The following CCDC92 variants were observed in gnomAD, a reference collection of about 807,000 sequenced individuals.
CCDC92 encodes coiled-coil domain-containing protein 92.
CCDC92 carries 12 observed loss-of-function variants against 24.9 expected under a neutral mutation model. The ratio of observed to expected loss-of-function variants is 0.48; its 90% CI spans 0.31 to 0.78. The LOEUF is 0.78. CCDC92 is among the 30% of genes least tolerant of loss of function. The pLI is 0.05. For synonymous variants in CCDC92, 193 were observed against 196.3 expected (o/e 0.98, Z 0.14); for missense variants, 399 against 439.4 (o/e 0.91, Z 0.82).
Position 123,936,810 on chromosome 12 carries a change from G to A in CCDC92, c.*248C>T, listed in dbSNP as rs1955510121. On this transcript the variant is annotated 3_prime_UTR_variant, in exon 5 of 5. Transcript: ENST00000238156. ...TGCCTGCAGCGCACTTAGGTTACAC[G>A]GAGCGGGATCAGAAGCAAGCGATTC... 4 of 589,356 alleles carry A rather than the reference G, an allele frequency of 6.8e-6. No homozygotes were observed. The highest frequency in any genetic ancestry group is 3.1e-5 in the Admixed American group (1 of 32,020). 36.5% of individuals were successfully genotyped at this position (589,356 alleles called of 1,614,324 possible). A position where few individuals can be genotyped will look rare whatever the true frequency, so the allele number is the denominator to read the frequency against.
chr12:123,972,742 C>T lies in CCDC92; in HGVS notation c.-273G>A, dbSNP rs1956592579. 6.8e-6 allele frequency: 1 copy of T among 147,348 alleles called. No individual in the cohort carries two copies. Among genetic ancestry groups the T allele is most frequent in the South Asian group, 2.1e-4 (1 of 4,818 alleles). The allele number at this position is 147,348 out of a possible 1,614,324, so 9.1% of individuals were successfully genotyped here. Reference sequence around the variant, plus strand: ...CGCCCGCTCCCACCCCAGCGCTAGCCGCGGTGCACCCTGGGAGCGGGGCCG... The same window carrying T: ...CGCCCGCTCCCACCCCAGCGCTAGCTGCGGTGCACCCTGGGAGCGGGGCCG... On this transcript the variant is annotated 5_prime_UTR_variant, in exon 1 of 5. Coordinates refer to ENST00000238156, the MANE Select transcript of CCDC92 (RefSeq NM_025140.3).
rs974008526 is a variant in CCDC92, at chr12:123,966,888, C to G, written c.-60+5641G>C. On this transcript the variant is annotated intron_variant, in intron 1 of 4. Transcript: ENST00000238156. ...CCATCCTGCAAAAAGGGATGAGACA[C>G]AAGAACCTCCAAATAGACAGCTGTC... 6.6e-5 allele frequency among the ~76,000 whole-genome samples: 10 copies of G among 152,166 alleles called. 1 individual carries two copies. The highest frequency in any genetic ancestry group is 2.2e-4 in the African/African-American group (9 of 41,438).
chr12:123,961,206 C>G (rs1956264831), intron 1 of CCDC92: 1 of 152,250 alleles, frequency 6.6e-6, no homozygotes, highest in African/African-American at 2.4e-5. Flanking sequence ...ACCTGTCTCT[C>G]CTGCATCAGG....
chr12:123,947,088 G>T (rs1158497902), intron 1 of CCDC92, among the ~76,000 whole-genome samples: 1 of 152,204 alleles, frequency 6.6e-6, no homozygotes, highest in Non-Finnish European at 1.5e-5. Flanking sequence ...CGGGCAATGA[G>T]GGGCTTAGCA....
At chr12:123,962,700 TG>T (rs747202263) in intron 1 of CCDC92, 3 of 153,118 alleles carry the variant, frequency 2.0e-5, no homozygotes, top group Non-Finnish European at 2.9e-5. Context: ...AATCTGGCAG[TG>T]GCAACAGTAA....
At chr12:123,954,259 C>T (rs912052669) in intron 1 of CCDC92, among the ~76,000 whole-genome samples, 1 of 152,026 alleles carries the variant, frequency 6.6e-6, no homozygotes, top group African/African-American at 2.4e-5. Flanking sequence ...ATTTCGTGTC[C>T]CAAAGATATG....
At chr12:123,962,790 T>TG (rs1038320007) in intron 1 of CCDC92, 33 of 152,144 alleles carry the variant, frequency 2.2e-4, no homozygotes, top group African/African-American at 7.7e-4. Context: ...ATCTACACGG[T>TG]GTTTTTTTTT....
chr12:123,943,995 A>G (rs1955770545), intron 2 of CCDC92: 2 of 515,098 alleles, frequency 3.9e-6, no homozygotes, highest in Non-Finnish European at 3.4e-6. Flanking sequence ...CAGCTTCCTC[A>G]TGGGAAAAGC....
intron 1 of CCDC92, among the ~76,000 whole-genome samples, chr12:123,951,682 C>T (rs531616163): frequency 1.4e-4 from 22 of 152,340 alleles, no homozygotes; most frequent in African/African-American, 4.8e-4. Context: ...AGTGTCTCCA[C>T]GTTTGTGCAC....
intron 1 of CCDC92, among the ~76,000 whole-genome samples, chr12:123,972,267 C>T (rs1169108421): frequency 6.6e-6 from 1 of 151,868 alleles, no homozygotes; most frequent in Non-Finnish European, 1.5e-5. Context: ...CCTCAGGGAC[C>T]CTCTTTCCCC....
chr12:123,971,783 G>C (rs537975196), intron 1 of CCDC92: 1 of 152,418 alleles, frequency 6.6e-6, no homozygotes, highest in African/African-American at 2.4e-5. Context: ...CTGGAGCTCT[G>C]CTGCGTTTGT....
In CCDC92 at chr12:123,942,734, G is replaced by A. The variant is rs570252815; in HGVS notation, c.223+10C>T. ...CCTACTGTCATTTACTTCTGGGGAG[G>A]AGTTCTTACCTGTCTGTTCCGAACT... On this transcript the variant is annotated intron_variant, in intron 4 of 4. Transcript: ENST00000238156. 5.6e-6 allele frequency: 9 copies of A among 1,603,760 alleles called. No homozygotes were observed. In the Admixed American group the frequency reaches 1.5e-4, roughly 27 times the overall value.
Position 123,936,870 on chromosome 12 carries a change from T to C in CCDC92, c.*188A>G. On this transcript the variant is annotated 3_prime_UTR_variant, in exon 5 of 5. Transcript: ENST00000238156. ...GCGTTTGGCCACAGCAATTAGGAAA[T>C]ACATATTCTGCGGCAGGGACACGAT... 1.5e-6 allele frequency: 1 copy of C among 667,156 alleles called. No homozygotes were observed. Among genetic ancestry groups the C allele is most frequent in the Non-Finnish European group, 2.5e-6 (1 of 397,276 alleles). The allele number at this position is 667,156 out of a possible 1,614,324, so 41.3% of individuals were successfully genotyped here. A position where few individuals can be genotyped will look rare whatever the true frequency, so the allele number is the denominator to read the frequency against.
chr12:123,969,938 TAAAG>T (rs1422939158), intron 1 of CCDC92: 4 of 152,108 alleles, frequency 2.6e-5, no homozygotes, highest in African/African-American at 7.2e-5. Flanking sequence ...AAAATAAAGT[TAAAG>T]AAAGAAATAC....
intron 1 of CCDC92, among the ~76,000 whole-genome samples, chr12:123,963,355 G>A (rs973859376): frequency 2.0e-5 from 3 of 152,176 alleles, no homozygotes; most frequent in African/African-American, 7.2e-5. Context: ...CATCCCTCCC[G>A]TACCAGACAG....
chr12:123,957,432 C>CA (rs1956172673), intron 1 of CCDC92, among the ~76,000 whole-genome samples: 1 of 152,152 alleles, frequency 6.6e-6, no homozygotes, highest in East Asian at 1.9e-4. Context: ...CTGCTATGTG[C>CA]ACGCCCCACG....
intron 1 of CCDC92, among the ~76,000 whole-genome samples, chr12:123,955,701 C>G (rs1036369855): frequency 2.0e-5 from 3 of 152,050 alleles, no homozygotes; most frequent in Admixed American, 2.0e-4. Context: ...CCAGGCTTGA[C>G]TCAAACTCCT....
intron 1 of CCDC92, among the ~76,000 whole-genome samples, chr12:123,955,622 G>T (rs1244112221): frequency 6.6e-6 from 1 of 152,128 alleles, no homozygotes; most frequent in Non-Finnish European, 1.5e-5. Context: ...GGAAAGAAAG[G>T]TATTTAGTAA....
At chr12:123,967,096 A>G (rs1269918088) in intron 1 of CCDC92, among the ~76,000 whole-genome samples, 1 of 152,132 alleles carries the variant, frequency 6.6e-6, no homozygotes, top group Non-Finnish European at 1.5e-5. Context: ...TGACCGCTTT[A>G]TTGATGGAAA....
Sources: allele counts gnomAD v4.1 joint callset (sites outside exome capture counted in the v4.1 genomes callset), GRCh38; gene constraint gnomAD v4.1.1; transcripts MANE v1.5; gene names NCBI Gene and HGNC (gene_info 2026-07-23, HGNC 2026-07-21).